The following HDHD2 variants were observed in gnomAD, a reference collection of about 807,000 sequenced individuals.
The protein encoded by HDHD2 is haloacid dehalogenase-like hydrolase domain-containing protein 2.
A neutral mutation model predicts 24.8 loss-of-function variants in HDHD2; 26 were observed. That is an observed-to-expected ratio of 1.05 (90% confidence interval 0.77 to 1.45). The LOEUF is 1.45. HDHD2 is among the 40% of genes most tolerant of loss of function. The pLI is 0.00. For missense variants in HDHD2, 299 were observed against 313.4 expected (o/e 0.95, Z 0.35); for synonymous variants, 128 against 114.9 (o/e 1.11, Z -0.73).
At chr18:47,146,809 T>C (rs1245624118) in intron 1 of HDHD2, among the ~76,000 whole-genome samples, 1 of 152,046 alleles carries the variant, frequency 6.6e-6, no homozygotes, top group East Asian at 1.9e-4. Flanking sequence ...GATAAAACTG[T>C]AAAGAGAAGC....
At chr18:47,111,257 G>C (rs770544928) in intron 6 of HDHD2, 2 of 985,072 alleles carry the variant, frequency 2.0e-6, no homozygotes, top group Non-Finnish European at 2.4e-6. Flanking sequence ...TAAAATGCCA[G>C]TCACAATAGA....
chr18:47,115,083 C>T (rs1276092858), intron 5 of HDHD2, 49 bp downstream of exon 5: 3 of 1,406,490 alleles, frequency 2.1e-6, no homozygotes, highest in East Asian at 2.3e-5. Context: ...AGCTGGCTTT[C>T]CCAGCACAAC....
At chr18:47,135,258 CTTTTTTTTTTTTT>C (rs904719955) in intron 2 of HDHD2, among the ~76,000 whole-genome samples, 11 of 128,330 alleles carry the variant, frequency 8.6e-5, no homozygotes, top group Non-Finnish European at 1.7e-4. Context: ...TAGATTTTTT[CTTTTTTTTTTTTT>C]TTTTTTTGAG....
At chr18:47,111,506 A>G (rs986242555) in intron 6 of HDHD2, 1 of 985,358 alleles carries the variant, frequency 1.0e-6, no homozygotes, top group Non-Finnish European at 1.2e-6. Context: ...ACAAAGATAC[A>G]TGGAGGCTGA....
chr18:47,119,840 G>A (rs1357246879), intron 4 of HDHD2, among the ~76,000 whole-genome samples: 1 of 152,148 alleles, frequency 6.6e-6, no homozygotes, highest in Non-Finnish European at 1.5e-5. Context: ...AAGTCAAAAC[G>A]ACTCCCTGAT....
At position 47,135,262 on chromosome 18, in the gene HDHD2, T is replaced by G. The variant is rs541429481; in HGVS notation, c.102-558A>C. ...ATATGAGTCACTAGATTTTTTCTTT[T>G]TTTTTTTTTTTTTTTTGAGACGGAG... On this transcript the variant is annotated intron_variant, in intron 2 of 6. Coordinates refer to ENST00000300605, the MANE Select transcript of HDHD2 (RefSeq NM_032124.5). Among the ~76,000 whole-genome samples the G allele has an allele frequency of 1.5e-4, 20 of 130,282 alleles. No individual in the cohort carries two copies. In the South Asian group the frequency reaches 4.9e-3, roughly 32 times the overall value. 85.5% of individuals were successfully genotyped at this position (130,282 alleles called of 152,430 possible).
intron 1 of HDHD2, among the ~76,000 whole-genome samples, chr18:47,141,224 T>C (rs1010406631): frequency 2.0e-5 from 3 of 152,128 alleles, no homozygotes; most frequent in Admixed American, 6.5e-5. Context: ...ATGATCACAT[T>C]TTTTCCCCTT....
intron 4 of HDHD2, among the ~76,000 whole-genome samples, chr18:47,127,722 A>C (rs2063673169): frequency 6.6e-6 from 1 of 151,996 alleles, no homozygotes; most frequent in Admixed American, 6.5e-5. Flanking sequence ...AAAAAAAAAA[A>C]AAAAAAACCA....
intron 3 of HDHD2, among the ~76,000 whole-genome samples, chr18:47,130,939 C>A (rs1017623976): frequency 4.6e-5 from 7 of 152,160 alleles, no homozygotes; most frequent in African/African-American, 1.7e-4. Flanking sequence ...TCAGACATGA[C>A]AATCAAACGA....
intron 1 of HDHD2, among the ~76,000 whole-genome samples, chr18:47,137,809 CA>C (rs553276125): frequency 3.7e-4 from 52 of 141,484 alleles, no homozygotes; most frequent in African/African-American, 4.9e-4. Context: ...ATAAATTACT[CA>C]AAAAAAAAAA....
chr18:47,148,500 A>C (rs1427737265), intron 1 of HDHD2, among the ~76,000 whole-genome samples: 1 of 152,238 alleles, frequency 6.6e-6, no homozygotes, highest in Non-Finnish European at 1.5e-5. Context: ...ACAGTGGTAC[A>C]TATTCAATGC....
chr18:47,139,179 C>A (rs1411522465), intron 1 of HDHD2, among the ~76,000 whole-genome samples: 1 of 152,042 alleles, frequency 6.6e-6, no homozygotes, highest in African/African-American at 2.4e-5. Flanking sequence ...CCTTTGTTGG[C>A]CGGGCACGGT....
At chr18:47,149,645 A>G in intron 1 of HDHD2, among the ~76,000 whole-genome samples, 1 of 151,922 alleles carries the variant, frequency 6.6e-6, no homozygotes, top group East Asian at 1.9e-4. Flanking sequence ...GGGCCCCTCT[A>G]CACCCTCATC....
intron 1 of HDHD2, among the ~76,000 whole-genome samples, chr18:47,138,787 T>C (rs1470039487): frequency 6.6e-6 from 1 of 152,252 alleles, no homozygotes; most frequent in Non-Finnish European, 1.5e-5. Flanking sequence ...AACTCTCATC[T>C]GATTGTGGGT....
intron 1 of HDHD2, among the ~76,000 whole-genome samples, chr18:47,142,517 T>G (rs1478625537): frequency 6.6e-6 from 1 of 152,120 alleles, no homozygotes; most frequent in Non-Finnish European, 1.5e-5. Flanking sequence ...GACATACACA[T>G]AACATTATGC....
chr18:47,135,969 G>A (rs1002216641), intron 2 of HDHD2, among the ~76,000 whole-genome samples: 3 of 152,212 alleles, frequency 2.0e-5, no homozygotes, highest in Admixed American at 2.0e-4. Context: ...ACAAGAAAGA[G>A]CAGCATTATG....
intron 1 of HDHD2, among the ~76,000 whole-genome samples, chr18:47,144,548 G>A (rs1004803627): frequency 3.3e-5 from 5 of 152,046 alleles, no homozygotes; most frequent in South Asian, 4.2e-4. Context: ...TGTAATTAGC[G>A]TGACCTTGAC....
At chr18:47,122,657 T>A (rs1302619262) in intron 4 of HDHD2, among the ~76,000 whole-genome samples, 1 of 151,764 alleles carries the variant, frequency 6.6e-6, no homozygotes, top group Non-Finnish European at 1.5e-5. Flanking sequence ...GAAAGGAAAA[T>A]CCCACTAACA....
intron 6 of HDHD2, chr18:47,109,828 G>T: frequency 4.2e-6 from 1 of 240,744 alleles, no homozygotes; most frequent in Non-Finnish European, 6.7e-6. Context: ...TTTAACATCT[G>T]TCTCACATTT....
Sources: allele counts gnomAD v4.1 joint callset (sites outside exome capture counted in the v4.1 genomes callset), GRCh38; gene constraint gnomAD v4.1.1; transcripts MANE v1.5; gene names NCBI Gene and HGNC (gene_info 2026-07-23, HGNC 2026-07-21).